NRXN1: variants seen among roughly 807,000 people sequenced by gnomAD.
NRXN1 encodes the protein neurexin 1.
A neutral mutation model predicts 150.9 loss-of-function variants in NRXN1; 39 were observed. The observed-to-expected ratio is 0.26, with a 90% CI of 0.20 to 0.34. NRXN1 has a LOEUF of 0.34. Among genes scored for constraint, NRXN1 ranks in the 10% least tolerant of loss-of-function variants. The pLI is 1.00. For synonymous variants in NRXN1, 924 were observed against 757.0 expected, an observed-to-expected ratio of 1.22 and a Z score of -3.62; for missense variants, 1,815 against 1,949.9, an observed-to-expected ratio of 0.93 and a Z score of 1.30.
At chr2:50,801,783 C>G (rs144507706) in intron 5 of NRXN1, among the ~76,000 whole-genome samples, 12 of 152,222 alleles carry the variant, frequency 7.9e-5, no homozygotes, top group African/African-American at 2.2e-4. Flanking sequence ...TTTGGTAAAG[C>G]AGTGAATGCT....
chr2:50,188,379 G>T (rs980404185), intron 18 of NRXN1, among the ~76,000 whole-genome samples: 8 of 151,998 alleles, frequency 5.3e-5, no homozygotes, highest in Admixed American at 5.2e-4. Flanking sequence ...AACTCAAGAT[G>T]GATTAAAGAC....
intron 22 of NRXN1, among the ~76,000 whole-genome samples, chr2:49,939,370 C>T (rs1196002902): frequency 6.6e-6 from 1 of 152,190 alleles, no homozygotes; most frequent in African/African-American, 2.4e-5. Flanking sequence ...TTACCAATAG[C>T]TGGTTCAGGT....
At chr2:50,112,124 C>G (rs1306259065) in intron 18 of NRXN1, among the ~76,000 whole-genome samples, 1 of 152,090 alleles carries the variant, frequency 6.6e-6, no homozygotes, top group Non-Finnish European at 1.5e-5. Flanking sequence ...CTAGATATCT[C>G]CCTGTACTTA....
intron 17 of NRXN1, among the ~76,000 whole-genome samples, chr2:50,329,783 C>A (rs998311467): frequency 6.7e-6 from 1 of 148,284 alleles, no homozygotes; most frequent in Admixed American, 6.8e-5. Context: ...GAATGATTCT[C>A]CAGCCTCAGT....
chr2:50,466,617 G>A (rs1254985181), intron 16 of NRXN1: 3 of 387,708 alleles, frequency 7.7e-6, no homozygotes, highest in Non-Finnish European at 1.5e-5. Context: ...AAAATGCTAT[G>A]TAGAGCAAAC....
intron 17 of NRXN1, among the ~76,000 whole-genome samples, chr2:50,325,644 CCTAT>C (rs1474223678): frequency 2.0e-5 from 3 of 152,152 alleles, no homozygotes; most frequent in African/African-American, 7.2e-5. Flanking sequence ...TAGCAATGTA[CCTAT>C]CTATCTTCAC....
chr2:50,139,438 A>G (rs944134627), intron 18 of NRXN1, among the ~76,000 whole-genome samples: 4 of 152,108 alleles, frequency 2.6e-5, no homozygotes, highest in Non-Finnish European at 5.9e-5. Context: ...AATATTCACT[A>G]GTTTCTTGCA....
chr2:50,102,879 G>A (rs904361595), intron 18 of NRXN1, among the ~76,000 whole-genome samples: 3 of 152,040 alleles, frequency 2.0e-5, no homozygotes, highest in Middle Eastern at 3.2e-3. Context: ...ATGTGAACAT[G>A]TACAGGTATT....
chr2:50,084,057 T>C (rs879000415), intron 19 of NRXN1, among the ~76,000 whole-genome samples: 7 of 152,180 alleles, frequency 4.6e-5, no homozygotes, highest in African/African-American at 7.2e-5. Context: ...AGAGTGCAGA[T>C]TGGTGCATCC....
At chr2:50,428,896 A>G (rs2084722629) in intron 17 of NRXN1, among the ~76,000 whole-genome samples, 1 of 152,182 alleles carries the variant, frequency 6.6e-6, no homozygotes, top group Non-Finnish European at 1.5e-5. Context: ...TCTAAGTACC[A>G]TATTTATATA....
rs192309752 is a variant in NRXN1 at position 50,430,786 on chromosome 2, A to G, written c.3364+34656T>C. On this transcript the variant is annotated intron_variant, in intron 17 of 22. Transcript: ENST00000401669. ...CCAATGACTACAAGTCAGGGTATCT[A>G]ATTCCTAATAGGAATCCTTACTACC... 5.9e-3 allele frequency among the ~76,000 whole-genome samples: 897 copies of G among 152,330 alleles called. 14 individuals are homozygous for G. Among genetic ancestry groups the G allele is most frequent in the Middle Eastern group, 0.01 (3 of 294 alleles).
intron 5 of NRXN1, among the ~76,000 whole-genome samples, chr2:50,777,190 T>C (rs1356387189): frequency 2.6e-5 from 4 of 152,144 alleles, no homozygotes; most frequent in African/African-American, 4.8e-5. Context: ...ATTTTATATA[T>C]TGCTTAAATT....
At chr2:50,716,454 T>C (rs1439256172) in intron 5 of NRXN1, among the ~76,000 whole-genome samples, 1 of 151,986 alleles carries the variant, frequency 6.6e-6, no homozygotes, top group Admixed American at 6.6e-5. Context: ...TAAGTAATAA[T>C]GAAAAATAAA....
intron 16 of NRXN1, among the ~76,000 whole-genome samples, chr2:50,468,852 C>A (rs1352079777): frequency 1.3e-5 from 2 of 151,246 alleles, no homozygotes; most frequent in African/African-American, 2.4e-5. Flanking sequence ...TAAACATATT[C>A]CCACCAGTGT....
chr2:50,762,121 A>G (rs199532042), intron 5 of NRXN1, among the ~76,000 whole-genome samples: 1 of 55,630 alleles, frequency 1.8e-5, no homozygotes, highest in Non-Finnish European at 3.6e-5. Flanking sequence ...ATATATGTGT[A>G]TACACACACA....
At chr2:50,534,553 G>A (rs1002480863) in intron 10 of NRXN1, among the ~76,000 whole-genome samples, 1 of 152,090 alleles carries the variant, frequency 6.6e-6, no homozygotes, top group Non-Finnish European at 1.5e-5. Flanking sequence ...ATTCTAGAGA[G>A]AAAAATGCTT....
intron 9 of NRXN1, 150 bp from the exon 10 acceptor site, chr2:50,538,786 A>C (rs1218132404): frequency 1.7e-6 from 1 of 579,136 alleles, no homozygotes; most frequent in East Asian, 3.2e-5. Context: ...TATTTCCTAG[A>C]GAAATTAAGA....
rs183914493 is a variant in NRXN1 at position 50,776,390 on chromosome 2, A to T, written c.832+145479T>A. Among the ~76,000 whole-genome samples, 294 of 152,172 alleles carry T rather than the reference A, an allele frequency of 1.9e-3. 2 individuals carry two copies. The highest frequency in any genetic ancestry group is 6.8e-3 in the Middle Eastern group (2 of 294). On this transcript the variant is annotated intron_variant, in intron 5 of 22. Transcript: ENST00000401669. Reference sequence around the variant, plus strand: ...AGGTACAACAAGAATGTACAAAGGAAGGGCCACATATACTGCAGGAATTTT... The same window carrying T: ...AGGTACAACAAGAATGTACAAAGGATGGGCCACATATACTGCAGGAATTTT...
rs1204760729 is a variant in NRXN1 at position 50,551,050 on chromosome 2, GGAA to G, written c.1759+1534_1759+1536del. On this transcript the variant is annotated intron_variant, in intron 9 of 22. Coordinates refer to ENST00000401669, the MANE Select transcript of NRXN1 (RefSeq NM_001330078.2). Reference sequence around the variant, plus strand: ...AGGAAGAGGAAGAGGAAGAGGAAGAGGAAGAAGAAGAAGAAGAAGAAGAAGAGG... The same window carrying G: ...AGGAAGAGGAAGAGGAAGAGGAAGAGGAAGAAGAAGAAGAAGAAGAAGAGG... Among the ~76,000 whole-genome samples, 708 of 78,964 alleles carry G rather than the reference GGAA, an allele frequency of 9.0e-3. 5 individuals are homozygous for G. Among genetic ancestry groups the G allele is most frequent in the South Asian group, 0.037 (73 of 1,998 alleles). The allele number at this position is 78,964 out of a possible 152,430, so 51.8% of individuals were successfully genotyped here.
Sources: gnomAD v4.1 joint callset for allele counts (sites outside exome capture counted in the v4.1 genomes callset) on GRCh38, gnomAD v4.1.1 for gene constraint, MANE v1.5 for transcripts, NCBI Gene and HGNC (gene_info 2026-07-23, HGNC 2026-07-21) for gene names.